Variants in PSD4 observed in about 807,000 individuals in gnomAD.
The protein encoded by PSD4 is pleckstrin and Sec7 domain containing 4.
PSD4 carries 59 observed loss-of-function variants against 112.5 expected under a neutral mutation model. That is an observed-to-expected ratio of 0.52 (90% confidence interval 0.43 to 0.65). The LOEUF (loss-of-function observed/expected upper bound fraction) is 0.65, where lower values mean the gene tolerates loss of function less well. Among genes scored for constraint, PSD4 ranks in the 30% least tolerant of loss-of-function variants. PSD4 has a pLI of 0.00. For synonymous variants in PSD4, 533 were observed against 540.0 expected (o/e 0.99, Z 0.18); for missense variants, 1,267 against 1,352.6 (o/e 0.94, Z 0.99).
chr2:113,194,081 G>C (rs980611647), intron 10 of PSD4, 133 bp downstream of exon 10: 18 of 806,368 alleles, frequency 2.2e-5, no homozygotes, highest in Non-Finnish European at 2.7e-5. Flanking sequence ...GTTTATTGAA[G>C]GGCTAGTAAA....
chr2:113,192,667 C>T, intron 6 of PSD4, 78 bp downstream of exon 6: 4 of 1,445,854 alleles, frequency 2.8e-6, no homozygotes, highest in Non-Finnish European at 2.9e-6. Flanking sequence ...CCTCCACTGG[C>T]CACCCTCCCC....
At position 113,201,440 on chromosome 2, in the gene PSD4, G is replaced by C; in HGVS notation, c.*25G>C. ...AAGCCAGCACCACCTCAGAGACACT[G>C]TTCCCTGCTCCAGGGTAGACCTGAG... On this transcript the variant is annotated 3_prime_UTR_variant, in exon 17 of 17. Coordinates refer to ENST00000245796, the MANE Select transcript of PSD4 (RefSeq NM_012455.3). 6.2e-7 allele frequency: 1 copy of C among 1,610,880 alleles called. No homozygotes were observed.
chr2:113,195,615 G>A, intron 10 of PSD4, 112 bp from the exon 11 acceptor site: 2 of 1,070,980 alleles, frequency 1.9e-6, no homozygotes, highest in Non-Finnish European at 2.8e-6. Flanking sequence ...CCTATGTTGT[G>A]GGTGGAGGAG....
chr2:113,193,874 A>T lies in PSD4; in HGVS notation c.2107A>T (p.Met703Leu). 6.2e-7 allele frequency: 1 copy of T among 1,614,116 alleles called. No homozygotes were observed. The highest frequency in any genetic ancestry group is 8.5e-7 in the Non-Finnish European group (1 of 1,179,982). ...GTGGCTACAGAACATTGGGAAGAGC[A>T]TGAGCTGCCAGGAATTCATAACCAA... is the stretch of plus-strand genomic sequence containing the variant. ...DLHGQNIGKS[M>L]SCQEFITNLN... Residue 703 changes from methionine (M) to leucine (L), a missense_variant, in exon 10 of 17, where the codon ATG becomes TTG. Physicochemically the swap from Met to Leu is conservative, Grantham distance 15 (BLOSUM62 2). Transcript: ENST00000245796.
chr2:113,190,042 GT>G lies in PSD4; in HGVS notation c.1629-2333del, dbSNP rs1688405611. 2.0e-5 allele frequency among the ~76,000 whole-genome samples: 3 copies of G among 152,102 alleles called. No homozygotes were observed. In the South Asian group the frequency reaches 6.2e-4, roughly 31 times the overall value. Reference sequence around the variant, plus strand: ...AATTAAGTCCTGGCAATTTATCTTTGTTTTTATTGCATTTGCTTTTGGTTCT... The same window carrying G: ...AATTAAGTCCTGGCAATTTATCTTTGTTTTATTGCATTTGCTTTTGGTTCT... On this transcript the variant is annotated intron_variant, in intron 5 of 16. Transcript: ENST00000245796.
rs1688466720 is a variant in PSD4, at chr2:113,192,381, G to A, written c.1630G>A (p.Glu544Lys). The change falls in exon 6 of 17, where the codon GAG (glutamate) becomes AAG (lysine). Residue 544 changes from glutamate to lysine, a missense_variant and splice_region_variant. Physicochemically the swap from Glu to Lys is moderately conservative, Grantham distance 56. Around this residue, in one of 2 missense-constraint regions of PSD4, gnomAD observed 723 missense variants for 704.0 expected, o/e 1.03. Coordinates refer to ENST00000245796, the MANE Select transcript of PSD4 (RefSeq NM_012455.3). Reference protein sequence around the residue: ...PDIHLTSAEHENLRTPMNSSW... With the variant: ...PDIHLTSAEHKNLRTPMNSSW... ...GAGCTCCTGCATGTCTATCTCAAGT[G>A]AGAATCTGAGGACACCGATGAACTC... is the stretch of plus-strand genomic sequence containing the variant. 1 of 1,614,028 alleles carries A rather than the reference G, an allele frequency of 6.2e-7. No homozygotes were observed. The highest frequency in any genetic ancestry group is 1.1e-5 in the South Asian group (1 of 91,082).
intron 5 of PSD4, among the ~76,000 whole-genome samples, chr2:113,186,554 C>T (rs1558890099): frequency 6.6e-6 from 1 of 152,126 alleles, no homozygotes; most frequent in Non-Finnish European, 1.5e-5. Context: ...GAGGAGGTGT[C>T]CAGGGAACCT....
At chr2:113,176,149 C>T (rs13419549) in intron 1 of PSD4, among the ~76,000 whole-genome samples, 11,537 of 152,242 alleles carry the variant, frequency 0.076, 628 homozygotes, top group African/African-American at 0.15. Context: ...CCTCTGTGCC[C>T]GGTCTCCCCG....
At chr2:113,198,301 C>T (rs996361545) in intron 14 of PSD4, 6 of 229,262 alleles carry the variant, frequency 2.6e-5, no homozygotes, top group Non-Finnish European at 3.4e-5. Flanking sequence ...GACAGAGTCT[C>T]GCTCTGTCGT....
Position 113,193,697 on chromosome 2 carries a change from G to T in PSD4, c.2091+47G>T, listed in dbSNP as rs775541497. 6 of 1,591,808 alleles carry T rather than the reference G, an allele frequency of 3.8e-6. No homozygotes were observed. In the South Asian group the frequency reaches 6.6e-5, roughly 18 times the overall value. On this transcript the variant is annotated intron_variant, in intron 9 of 16. Coordinates refer to ENST00000245796, the MANE Select transcript of PSD4 (RefSeq NM_012455.3). ...CTGTGGGAACTGAGGCTGTAACAAGGGGTGCGGGGAGGAGAAGACCAGAGG... is the reference window on the plus strand; with the variant it reads ...CTGTGGGAACTGAGGCTGTAACAAGTGGTGCGGGGAGGAGAAGACCAGAGG...
rs1688528055 is a variant in PSD4, at chr2:113,193,884, A to G, written c.2117A>G (p.Gln706Arg). The change falls in exon 10 of 17, where the codon CAG becomes CGG. Residue 706 changes from glutamine (Q) to arginine (R), a missense_variant. By Grantham distance (43) the Gln-to-Arg change is conservative. Transcript: ENST00000245796. ...GQNIGKSMSC[Q>R]EFITNLNGLR... ...AACATTGGGAAGAGCATGAGCTGCC[A>G]GGAATTCATAACCAACCTGAATGGG... 1 of 1,614,030 alleles carries G rather than the reference A, an allele frequency of 6.2e-7. No homozygotes were observed. The highest frequency in any genetic ancestry group is 1.1e-5 in the South Asian group (1 of 91,084).
In PSD4 at chr2:113,182,382, G is replaced by C. The variant is rs1384549459; in HGVS notation, c.-75G>C. 3 of 1,373,506 alleles carry C rather than the reference G, an allele frequency of 2.2e-6. No homozygotes were observed. In the East Asian group the frequency reaches 7.0e-5, roughly 32 times the overall value. The allele number at this position is 1,373,506 out of a possible 1,614,324, so 85.1% of individuals were successfully genotyped here. A position where few individuals can be genotyped will look rare whatever the true frequency, so the allele number is the denominator to read the frequency against. On this transcript the variant is annotated 5_prime_UTR_variant, in exon 2 of 17. Coordinates refer to ENST00000245796, the MANE Select transcript of PSD4 (RefSeq NM_012455.3). ...ATTCCCAGTTTCTCCAGCGGCCAGT[G>C]CTCCCCCTAGTCCACACAGTGAGAC...
intron 12 of PSD4, 58 bp from the exon 13 acceptor site, chr2:113,197,496 CGTGTGTCTGA>C: frequency 6.5e-7 from 1 of 1,547,954 alleles, no homozygotes; most frequent in Non-Finnish European, 8.9e-7. Flanking sequence ...TGCACACTTG[CGTGTGTCTGA>C]GTGTGTCTGG....
chr2:113,195,913 G>T (rs2104506786), intron 11 of PSD4, 143 bp downstream of exon 11: 1 of 1,262,458 alleles, frequency 7.9e-7, no homozygotes, highest in East Asian at 2.4e-5. Context: ...CAGGGCTCTG[G>T]GGAGAGAGCA....
chr2:113,195,594 G>C, intron 10 of PSD4, 133 bp from the exon 11 acceptor site: 1 of 801,742 alleles, frequency 1.2e-6, no homozygotes, highest in South Asian at 1.6e-5. Context: ...CTTACTCAAG[G>C]AGGAAGGGCA....
intron 12 of PSD4, 150 bp downstream of exon 12, chr2:113,196,457 G>GCATCCAGCACATGGTCACTGT: frequency 9.9e-7 from 1 of 1,007,546 alleles, no homozygotes; most frequent in Non-Finnish European, 1.4e-6. Flanking sequence ...GTACTGAACA[G>GCATCCAGCACATGGTCACTGT]TGACCATGTG....
At chr2:113,195,406 C>G (rs1688577846) in intron 10 of PSD4, among the ~76,000 whole-genome samples, 1 of 152,160 alleles carries the variant, frequency 6.6e-6, no homozygotes, top group Non-Finnish European at 1.5e-5. Context: ...AAGTGATCCA[C>G]CCGCCTCGGC....
Position 113,185,944 on chromosome 2 carries a change from C to T in PSD4, c.1317C>T (p.Ser439=). The change falls in exon 5 of 17, where the codon AGC becomes AGT. Residue 439 remains serine, a synonymous_variant. Transcript: ENST00000245796. ...PCTLAPCPWR[S]PASSPEPSSP... is the part of the protein sequence containing the mutation. ...CCTTGGCCCCCTGCCCCTGGAGGAG[C>T]CCAGCTTCTTCTCCAGAGCCTAGCA... 2 of 1,613,960 alleles carry T rather than the reference C, an allele frequency of 1.2e-6. No homozygotes were observed. Among genetic ancestry groups the T allele is most frequent in the Non-Finnish European group, 1.7e-6 (2 of 1,179,884 alleles).
At chr2:113,197,702 G>A (rs917120620) in intron 13 of PSD4, 45 bp from the exon 14 acceptor site, 110 of 1,609,956 alleles carry the variant, frequency 6.8e-5, no homozygotes, top group Non-Finnish European at 9.2e-5. Flanking sequence ...TCTGGAGGGT[G>A]GGCAGCTGAT....
Sources: gnomAD v4.1 joint callset for allele counts (sites outside exome capture counted in the v4.1 genomes callset) on GRCh38, gnomAD v4.1.1 for gene constraint, gnomAD v4.1.1 regional missense constraint, MANE v1.5 for transcripts, NCBI Gene and HGNC (gene_info 2026-07-23, HGNC 2026-07-21) for gene names.